The following PKIB variants were observed in gnomAD, a reference collection of about 807,000 sequenced individuals.
PKIB encodes the protein cAMP-dependent protein kinase inhibitor beta, also known as PKI-beta.
PKIB carries 2 observed loss-of-function variants against 4.5 expected under a neutral mutation model. The observed-to-expected ratio is 0.44, with a 90% CI of 0.18 to 1.39. The LOEUF (loss-of-function observed/expected upper bound fraction) is 1.39. Ranked by LOEUF, PKIB falls within the 40% of genes most tolerant of loss-of-function variation. The pLI is 0.27. For synonymous variants in PKIB, 38 were observed against 36.0 expected, an observed-to-expected ratio of 1.06 and a Z score of -0.20; for missense variants, 94 against 92.6, an observed-to-expected ratio of 1.02 and a Z score of -0.06.
intron 2 of PKIB, among the ~76,000 whole-genome samples, chr6:122,488,884 G>A (rs966510666): frequency 6.6e-6 from 1 of 152,168 alleles, no homozygotes; most frequent in Non-Finnish European, 1.5e-5. Flanking sequence ...CTAAGAAATT[G>A]TGTGTTCCCA....
At chr6:122,702,326 C>CTTTTTT (rs112095053) in intron 3 of PKIB, among the ~76,000 whole-genome samples, 2 of 97,260 alleles carry the variant, frequency 2.1e-5, no homozygotes. Context: ...TTTAAAAAAA[C>CTTTTTT]TTTTTTTTTT....
chr6:122,575,870 T>G (rs554291396), intron 2 of PKIB, among the ~76,000 whole-genome samples: 2 of 152,250 alleles, frequency 1.3e-5, no homozygotes, highest in African/African-American at 2.4e-5. Flanking sequence ...AACTTATCCG[T>G]GTAAGCAAAA....
intron 2 of PKIB, among the ~76,000 whole-genome samples, chr6:122,503,632 C>A (rs1776311662): frequency 6.6e-6 from 1 of 152,122 alleles, no homozygotes; most frequent in Non-Finnish European, 1.5e-5. Flanking sequence ...CAGTTAGTAT[C>A]CCAAAAGAAA....
In PKIB at chr6:122,473,811, A is replaced by G. The variant is rs574329970; in HGVS notation, c.-337+1770A>G. 3.9e-5 allele frequency among the ~76,000 whole-genome samples: 6 copies of G among 152,354 alleles called. No homozygotes were observed. The South Asian group carries it at 1.2e-3, about 32-fold the overall frequency. Reference sequence around the variant, plus strand: ...TATAACTTACAATGCCAAAATTCAAATTAGTCTAAGTAAGTACGTTAGTAA... The same window carrying G: ...TATAACTTACAATGCCAAAATTCAAGTTAGTCTAAGTAAGTACGTTAGTAA... On this transcript the variant is annotated intron_variant, in intron 1 of 6. Coordinates refer to the PKIB transcript ENST00000392491.
chr6:122,691,192 T>TAGAA (rs1778340458), intron 3 of PKIB, among the ~76,000 whole-genome samples: 1 of 152,114 alleles, frequency 6.6e-6, no homozygotes, highest in Non-Finnish European at 1.5e-5. Context: ...ATTCTTGATA[T>TAGAA]TCTATAACCT....
intron 3 of PKIB, among the ~76,000 whole-genome samples, chr6:122,589,295 CTA>C (rs778628869): frequency 2.0e-5 from 3 of 151,940 alleles, no homozygotes; most frequent in African/African-American, 4.8e-5. Flanking sequence ...TGAGTCATAC[CTA>C]TGTTTGGCAA....
chr6:122,517,665 T>C (rs896090306), intron 2 of PKIB, among the ~76,000 whole-genome samples: 3 of 152,204 alleles, frequency 2.0e-5, no homozygotes, highest in Non-Finnish European at 2.9e-5. Flanking sequence ...AATATCTGGC[T>C]TTTATTATTA....
chr6:122,720,957 C>T (rs944850907), intron 4 of PKIB, among the ~76,000 whole-genome samples: 4 of 152,184 alleles, frequency 2.6e-5, no homozygotes, highest in African/African-American at 9.7e-5. Flanking sequence ...CTGCCTTGGC[C>T]TCCCAAAGTG....
chr6:122,581,965 G>T (rs189128692), intron 2 of PKIB: 145 of 152,122 alleles, frequency 9.5e-4, no homozygotes, highest in African/African-American at 3.4e-3. Context: ...TGTGGGATAT[G>T]ACATCATTTT....
intron 3 of PKIB, among the ~76,000 whole-genome samples, chr6:122,586,791 G>A (rs1268609486): frequency 6.6e-6 from 1 of 152,100 alleles, no homozygotes; most frequent in Non-Finnish European, 1.5e-5. Context: ...CTAGAATCTG[G>A]AGAACATAAG....
At chr6:122,677,535 A>C (rs1257743924) in intron 3 of PKIB, among the ~76,000 whole-genome samples, 2 of 152,234 alleles carry the variant, frequency 1.3e-5, no homozygotes, top group Non-Finnish European at 2.9e-5. Flanking sequence ...GATTGTCTGC[A>C]GTGCATACAT....
intron 3 of PKIB, among the ~76,000 whole-genome samples, chr6:122,713,964 CT>C (rs1779374874): frequency 6.6e-6 from 1 of 152,120 alleles, no homozygotes; most frequent in Non-Finnish European, 1.5e-5. Context: ...CTAATACATT[CT>C]TTAACACTGT....
At chr6:122,541,891 C>A (rs952344634) in intron 2 of PKIB, among the ~76,000 whole-genome samples, 10 of 152,010 alleles carry the variant, frequency 6.6e-5, no homozygotes, top group Admixed American at 6.6e-4. Flanking sequence ...TCTTTTTATT[C>A]TTTTTTCTCT....
At chr6:122,637,184 T>C (rs1467431182) in intron 2 of PKIB, among the ~76,000 whole-genome samples, 5 of 152,208 alleles carry the variant, frequency 3.3e-5, no homozygotes, top group African/African-American at 1.2e-4. Flanking sequence ...ATAGACTTGA[T>C]TGTAGATATA....
chr6:122,578,504 CA>C, intron 2 of PKIB, among the ~76,000 whole-genome samples: 1 of 152,176 alleles, frequency 6.6e-6, no homozygotes, highest in African/African-American at 2.4e-5. Context: ...ATCTAGATGC[CA>C]AAATGTTCTT....
chr6:122,707,011 T>C (rs571833056), intron 3 of PKIB, among the ~76,000 whole-genome samples: 1 of 152,098 alleles, frequency 6.6e-6, no homozygotes, highest in African/African-American at 2.4e-5. Context: ...ATTTAACTTA[T>C]ATAGTACTAA....
intron 1 of PKIB, among the ~76,000 whole-genome samples, chr6:122,611,661 G>A (rs368748618): frequency 3.3e-5 from 5 of 152,276 alleles, no homozygotes; most frequent in African/African-American, 1.2e-4. Context: ...TTCACAAGAT[G>A]CCTTCCTTCT....
chr6:122,703,223 A>G (rs1778905911), intron 3 of PKIB, among the ~76,000 whole-genome samples: 1 of 152,152 alleles, frequency 6.6e-6, no homozygotes, highest in African/African-American at 2.4e-5. Flanking sequence ...TGTTATTACT[A>G]TTTGTAAAAA....
chr6:122,522,287 T>C (rs548535992), intron 2 of PKIB, among the ~76,000 whole-genome samples: 1 of 152,308 alleles, frequency 6.6e-6, no homozygotes, highest in South Asian at 2.1e-4. Context: ...GCAGTGAGAA[T>C]TTCAAGCCAG....
Sources: allele counts gnomAD v4.1 joint callset (sites outside exome capture counted in the v4.1 genomes callset), GRCh38; gene constraint gnomAD v4.1.1; transcripts MANE v1.5; gene names NCBI Gene and HGNC (gene_info 2026-07-23, HGNC 2026-07-21).